SLC44A5: variants seen among roughly 807,000 people sequenced by gnomAD.
SLC44A5 encodes the protein solute carrier family 44 member 5.
A neutral mutation model predicts 101.8 loss-of-function variants in SLC44A5; 57 were observed. The observed-to-expected ratio is 0.56, with a 90% CI of 0.45 to 0.70. The LOEUF is 0.70. Among genes scored for constraint, SLC44A5 ranks in the 30% least tolerant of loss-of-function variants. The probability of loss-of-function intolerance (pLI) is 0.00; values close to 1 mark genes in which losing one functional copy is unlikely to be tolerated. For missense variants in SLC44A5, 737 were observed against 853.1 expected, an observed-to-expected ratio of 0.86 and a Z score of 1.70; for synonymous variants, 281 against 290.9, an observed-to-expected ratio of 0.97 and a Z score of 0.35.
intron 2 of SLC44A5, among the ~76,000 whole-genome samples, chr1:75,440,426 C>T (rs1030694523): frequency 6.6e-6 from 1 of 151,960 alleles, no homozygotes; most frequent in African/African-American, 2.4e-5. Flanking sequence ...AGCAAGAATG[C>T]CAGTGTGGCC....
chr1:75,441,808 T>G (rs1037201889), intron 2 of SLC44A5, among the ~76,000 whole-genome samples: 10 of 152,104 alleles, frequency 6.6e-5, no homozygotes, highest in Non-Finnish European at 2.9e-5. Flanking sequence ...TATTACAAGA[T>G]GTATATACTA....
intron 2 of SLC44A5, among the ~76,000 whole-genome samples, chr1:75,525,622 AAGAG>A (rs779279771): frequency 2.0e-4 from 30 of 152,300 alleles, no homozygotes; most frequent in Middle Eastern, 6.8e-3. Flanking sequence ...GTTTGAAAAA[AAGAG>A]AGAGAATGAG....
chr1:75,691,352 A>C, the SLC44A5 span, among the ~76,000 whole-genome samples: 1 of 152,192 alleles, frequency 6.6e-6, no homozygotes, highest in Non-Finnish European at 1.5e-5. Context: ...CTGGTAATAT[A>C]AATTCTGGAG....
the SLC44A5 span, among the ~76,000 whole-genome samples, chr1:75,672,216 G>C: frequency 6.6e-6 from 1 of 152,266 alleles, no homozygotes. Context: ...ATACAGGCTT[G>C]AATTGCCTAT....
At chr1:75,265,963 T>C (rs575496711) in intron 6 of SLC44A5, among the ~76,000 whole-genome samples, 2 of 152,298 alleles carry the variant, frequency 1.3e-5, no homozygotes, top group South Asian at 2.1e-4. Context: ...CATGAGCAAC[T>C]TTCCCAGAGC....
the SLC44A5 span, among the ~76,000 whole-genome samples, chr1:75,673,403 T>C: frequency 1.3e-5 from 2 of 151,810 alleles, no homozygotes; most frequent in East Asian, 3.9e-4. Flanking sequence ...TGTAGTAGAA[T>C]AGACCACCAG....
intron 5 of SLC44A5, among the ~76,000 whole-genome samples, chr1:75,292,727 G>A (rs1653661828): frequency 6.6e-6 from 1 of 152,220 alleles, no homozygotes; most frequent in Admixed American, 6.5e-5. Context: ...GATACTCGCT[G>A]TTTTAAGCCC....
the SLC44A5 span, among the ~76,000 whole-genome samples, chr1:75,705,155 A>G: frequency 2.6e-5 from 4 of 152,196 alleles, no homozygotes; most frequent in Non-Finnish European, 5.9e-5. Context: ...ATGTTGGATC[A>G]TTTTTGCACT....
chr1:75,327,346 T>C (rs1465778429), intron 4 of SLC44A5, among the ~76,000 whole-genome samples: 1 of 152,322 alleles, frequency 6.6e-6, no homozygotes, highest in East Asian at 1.9e-4. Context: ...TGAATACAGT[T>C]CAACAAGCAA....
At chr1:75,351,017 T>C (rs894998894) in intron 3 of SLC44A5, among the ~76,000 whole-genome samples, 127 of 151,132 alleles carry the variant, frequency 8.4e-4, no homozygotes, top group African/African-American at 2.8e-3. Flanking sequence ...GAAATTATAG[T>C]AAAATATATT....
the SLC44A5 span, among the ~76,000 whole-genome samples, chr1:75,696,947 A>C: frequency 6.6e-6 from 1 of 151,834 alleles, no homozygotes; most frequent in African/African-American, 2.4e-5. Flanking sequence ...TGCGATCAGG[A>C]GTGGGCCAGA....
the SLC44A5 span, among the ~76,000 whole-genome samples, chr1:75,704,074 G>A: frequency 6.6e-6 from 1 of 151,968 alleles, no homozygotes; most frequent in South Asian, 2.1e-4. Context: ...CAAAACCAGG[G>A]AGAAACTAAT....
chr1:75,599,499 A>T (rs1037180455), intron 1 of SLC44A5, among the ~76,000 whole-genome samples: 2 of 152,162 alleles, frequency 1.3e-5, no homozygotes, highest in Non-Finnish European at 2.9e-5. Context: ...CCACATGAAG[A>T]TTGAGAAAGG....
rs547159620 is a variant in SLC44A5, at chr1:75,312,932, C to T, written c.102-12247G>A. Among the ~76,000 whole-genome samples, 34 of 152,254 alleles carry T rather than the reference C, an allele frequency of 2.2e-4. No homozygotes were observed. The South Asian group carries it at 3.1e-3, about 14-fold the overall frequency. On this transcript the variant is annotated intron_variant, in intron 4 of 23. Transcript: ENST00000370859. ...GATATGAGAGCTGTTATTAATACAT[C>T]ACTTTACAAATTAAGTCACTCCTGA...
chr1:75,675,080 G>C, the SLC44A5 span, among the ~76,000 whole-genome samples: 1 of 152,114 alleles, frequency 6.6e-6, no homozygotes, highest in African/African-American at 2.4e-5. Flanking sequence ...TTAGGACTCT[G>C]TCTTGGCCAC....
chr1:75,348,411 C>G (rs915059578), intron 3 of SLC44A5, among the ~76,000 whole-genome samples: 14 of 152,170 alleles, frequency 9.2e-5, no homozygotes, highest in Admixed American at 5.9e-4. Context: ...GATGAGGGCT[C>G]AAATAGACTG....
chr1:75,371,500 C>G (rs1660219078), intron 3 of SLC44A5, among the ~76,000 whole-genome samples: 1 of 152,138 alleles, frequency 6.6e-6, no homozygotes, highest in South Asian at 2.1e-4. Flanking sequence ...AAGTAGCTTT[C>G]TACAGAGCAT....
At chr1:75,605,070 G>A (rs1477015600) in intron 1 of SLC44A5, among the ~76,000 whole-genome samples, 1 of 151,958 alleles carries the variant, frequency 6.6e-6, no homozygotes, top group Admixed American at 6.6e-5. Flanking sequence ...TCTTGTTCCA[G>A]TTCTCAAGGG....
At chr1:75,256,191 A>G (rs1650005633) in intron 6 of SLC44A5, among the ~76,000 whole-genome samples, 1 of 152,150 alleles carries the variant, frequency 6.6e-6, no homozygotes, top group Non-Finnish European at 1.5e-5. Context: ...AGACAATTTA[A>G]CAAGGTAGAG....
Sources: allele counts gnomAD v4.1 joint callset (sites outside exome capture counted in the v4.1 genomes callset), GRCh38; gene constraint gnomAD v4.1.1; transcripts MANE v1.5; gene names NCBI Gene and HGNC (gene_info 2026-07-23, HGNC 2026-07-21).